PCDHA2: variants seen among roughly 807,000 people sequenced by gnomAD.
PCDHA2 encodes protocadherin alpha 2, also known as protocadherin alpha-2.
PCDHA2 carries 58 observed loss-of-function variants against 66.0 expected under a neutral mutation model. The observed-to-expected ratio is 0.88, with a 90% confidence interval of 0.71 to 1.09. PCDHA2 has a LOEUF of 1.09. PCDHA2 is among the 50% of genes least tolerant of loss of function. The pLI, the probability that PCDHA2 is intolerant of heterozygous loss-of-function variation, is 0.00. For missense variants in PCDHA2, 1,267 were observed against 1,242.3 expected (o/e 1.02, Z -0.30); for synonymous variants, 634 against 554.0 (o/e 1.14, Z -2.03).
intron 1 of PCDHA2, chr5:140,814,796 A>G (rs2126658940): frequency 6.6e-6 from 1 of 152,282 alleles, no homozygotes; most frequent in Non-Finnish European, 1.5e-5. Flanking sequence ...TTGTTATACA[A>G]CACTTGACTT....
At chr5:141,005,095 A>T (rs1554259887) in intron 3 of PCDHA2, among the ~76,000 whole-genome samples, 1 of 152,192 alleles carries the variant, frequency 6.6e-6, no homozygotes, top group South Asian at 2.1e-4. Flanking sequence ...CTTTACATGC[A>T]TTACATCATT....
chr5:140,838,003 A>T lies in PCDHA2; in HGVS notation c.2388+40651A>T, dbSNP rs2150281807. Among the ~76,000 whole-genome samples, 108 of 151,040 alleles carry T rather than the reference A, an allele frequency of 7.2e-4. 1 individual carries two copies. Among genetic ancestry groups the T allele is most frequent in the East Asian group, 2.3e-3 (12 of 5,140 alleles). On this transcript the variant is annotated intron_variant, in intron 1 of 3. Coordinates refer to ENST00000526136, the MANE Select transcript of PCDHA2 (RefSeq NM_018905.3). ...CTGCCTTTCATCTTTCCTTTTTTTTAAAAAAAGAAGTGATTACAGTAGAAA... is the reference window on the plus strand; with the variant it reads ...CTGCCTTTCATCTTTCCTTTTTTTTTAAAAAAGAAGTGATTACAGTAGAAA...
At chr5:140,865,534 A>G (rs2048907246) in intron 1 of PCDHA2, 1 of 152,224 alleles carries the variant, frequency 6.6e-6, no homozygotes, top group South Asian at 2.1e-4. Flanking sequence ...CTCTTCATCC[A>G]TAGCTATAGG....
chr5:140,883,412 A>G, intron 1 of PCDHA2: 1 of 1,614,152 alleles, frequency 6.2e-7, no homozygotes, highest in African/African-American at 1.3e-5. Context: ...CTCTGGCTCA[A>G]ATGGACAGGT....
At chr5:140,877,299 C>T in intron 1 of PCDHA2, 1 of 1,613,922 alleles carries the variant, frequency 6.2e-7, no homozygotes. Flanking sequence ...GGCTGTCCTA[C>T]GAGTTGCAAC....
rs1554121948 is a variant in PCDHA2 at position 140,802,203 on chromosome 5, G to A, written c.2388+4851G>A. 2 of 1,614,220 alleles carry A rather than the reference G, an allele frequency of 1.2e-6. No individual in the cohort carries two copies. Among genetic ancestry groups the A allele is most frequent in the Admixed American group, 3.3e-5 (2 of 60,030 alleles). On this transcript the variant is annotated intron_variant, in intron 1 of 3. Transcript: ENST00000526136. ...TCCCCCAATGTCAGATCACTGCACAGTTCTACTCGAAATTGTGGACATCAA... is the reference window on the plus strand; with the variant it reads ...TCCCCCAATGTCAGATCACTGCACAATTCTACTCGAAATTGTGGACATCAA...
At chr5:141,006,837 TG>T (rs1477008780) in intron 3 of PCDHA2, among the ~76,000 whole-genome samples, 2 of 152,186 alleles carry the variant, frequency 1.3e-5, no homozygotes, top group African/African-American at 4.8e-5. Context: ...TGTAATTTAC[TG>T]AAACTGGAAA....
chr5:140,857,139 T>A (rs1554149566), intron 1 of PCDHA2: 1 of 1,598,268 alleles, frequency 6.3e-7, no homozygotes, highest in South Asian at 1.1e-5. Context: ...GATGCTCAAG[T>A]GGGCACCGTC....
intron 1 of PCDHA2, chr5:140,828,167 G>T (rs2150151697): frequency 2.5e-6 from 4 of 1,614,056 alleles, no homozygotes; most frequent in Non-Finnish European, 3.4e-6. Context: ...AGCCTGGAAG[G>T]TGGGGAGCGG....
chr5:140,870,880 G>A (rs782304708), intron 1 of PCDHA2: 1 of 1,613,948 alleles, frequency 6.2e-7, no homozygotes, highest in African/African-American at 1.3e-5. Flanking sequence ...GGTGGCGAAG[G>A]TGCGCGCAGT....
At chr5:140,823,974 G>C (rs2150131023) in intron 1 of PCDHA2, 1 of 1,614,122 alleles carries the variant, frequency 6.2e-7, no homozygotes, top group East Asian at 2.2e-5. Flanking sequence ...TGTGCACACG[G>C]GGCAAGCCCA....
intron 1 of PCDHA2, chr5:140,842,642 T>C: frequency 6.3e-7 from 1 of 1,595,112 alleles, no homozygotes; most frequent in Non-Finnish European, 8.6e-7. Context: ...CACCGCCAGC[T>C]TGTCTGTGGA....
At chr5:140,900,924 A>C (rs553059638) in intron 1 of PCDHA2, among the ~76,000 whole-genome samples, 1 of 152,216 alleles carries the variant, frequency 6.6e-6, no homozygotes, top group South Asian at 2.1e-4. Flanking sequence ...ATGATATCTC[A>C]TTGTAGTTTT....
At chr5:140,801,065 T>C (rs1762634178) in intron 1 of PCDHA2, 2 of 1,460,436 alleles carry the variant, frequency 1.4e-6, no homozygotes, top group Admixed American at 5.4e-5. Context: ...GCATTACGTA[T>C]TCAGATACTG....
chr5:140,828,981 G>C (rs2150161571), intron 1 of PCDHA2: 1 of 1,614,120 alleles, frequency 6.2e-7, no homozygotes, highest in Admixed American at 1.7e-5. Flanking sequence ...AGCATAGATC[G>C]AAATACGGGA....
chr5:140,831,641 G>A (rs10060640), intron 1 of PCDHA2, among the ~76,000 whole-genome samples: 80,051 of 151,240 alleles, frequency 0.53, 21,345 homozygotes, highest in Middle Eastern at 0.65. Flanking sequence ...AAGATTATAG[G>A]TGTGAGCCAC....
Position 140,797,160 on chromosome 5 carries a change from C to T in PCDHA2, c.2196C>T (p.Arg732=). The change falls in exon 1 of 4, where the codon CGC becomes CGT. Residue 732 remains arginine (R), a synonymous_variant. Coordinates refer to ENST00000526136, the MANE Select transcript of PCDHA2 (RefSeq NM_018905.3). ...CGGTGCCACCCACCGAGGGTGCGCG[C>T]GCGCCAGGAAAGCCCACGCTGGTGT... ...RCSVPPTEGA[R]APGKPTLVCS... is the part of the protein sequence containing the mutation. 1 of 1,613,978 alleles carries T rather than the reference C, an allele frequency of 6.2e-7. No individual in the cohort carries two copies. Among genetic ancestry groups the T allele is most frequent in the Non-Finnish European group, 8.5e-7 (1 of 1,179,996 alleles).
intron 1 of PCDHA2, among the ~76,000 whole-genome samples, chr5:140,910,512 G>A (rs2075055738): frequency 6.6e-6 from 1 of 152,144 alleles, no homozygotes; most frequent in Admixed American, 6.5e-5. Flanking sequence ...GCTCTTCAAG[G>A]ATGCAGGTAC....
intron 1 of PCDHA2, among the ~76,000 whole-genome samples, chr5:140,944,319 C>T (rs1386940921): frequency 6.6e-6 from 1 of 152,104 alleles, no homozygotes. Context: ...TCCTGAGTAG[C>T]TGGGATTACA....
Sources: allele counts gnomAD v4.1 joint callset (sites outside exome capture counted in the v4.1 genomes callset), GRCh38; gene constraint gnomAD v4.1.1; transcripts MANE v1.5; gene names NCBI Gene and HGNC (gene_info 2026-07-23, HGNC 2026-07-21).